SGCZ: variants seen among roughly 807,000 people sequenced by gnomAD.
SGCZ encodes sarcoglycan zeta.
In SGCZ, 40 loss-of-function variants were observed where a neutral mutation model predicts 41.3. That is an observed-to-expected ratio of 0.97 (90% CI 0.75 to 1.26). The LOEUF (loss-of-function observed/expected upper bound fraction) is 1.26. Among genes scored for constraint, SGCZ ranks in the 50% most tolerant of loss-of-function variants. The pLI is 0.00. For synonymous variants in SGCZ, 206 were observed against 137.5 expected (o/e 1.50, Z -3.49); for missense variants, 552 against 369.8 (o/e 1.49, Z -4.04).
chr8:14,491,717 G>C (rs1400251153), intron 2 of SGCZ, among the ~76,000 whole-genome samples: 3 of 152,126 alleles, frequency 2.0e-5, no homozygotes, highest in Non-Finnish European at 4.4e-5. Flanking sequence ...TTGTTACACT[G>C]TCCAGTAACT....
At chr8:14,909,067 G>T (rs1331222383) in intron 1 of SGCZ, among the ~76,000 whole-genome samples, 1 of 152,094 alleles carries the variant, frequency 6.6e-6, no homozygotes. Context: ...TTAAGCAGAG[G>T]TTTGCAAATC....
chr8:14,329,878 C>G (rs1240313919), intron 2 of SGCZ, among the ~76,000 whole-genome samples: 1 of 151,782 alleles, frequency 6.6e-6, no homozygotes, highest in Non-Finnish European at 1.5e-5. Context: ...CATCATCACT[C>G]AACTTATACT....
At chr8:14,986,370 A>T (rs890039027) in intron 1 of SGCZ, among the ~76,000 whole-genome samples, 8 of 152,012 alleles carry the variant, frequency 5.3e-5, no homozygotes, top group African/African-American at 1.9e-4. Context: ...ATCTCTAAAA[A>T]CCCAGCTTTT....
chr8:15,145,895 C>T (rs1232330655), intron 1 of SGCZ, among the ~76,000 whole-genome samples: 1 of 152,034 alleles, frequency 6.6e-6, no homozygotes, highest in Non-Finnish European at 1.5e-5. Flanking sequence ...CTCTGCCTCC[C>T]TAGAACTTGA....
At chr8:15,200,148 A>G (rs1311085924) in intron 1 of SGCZ, among the ~76,000 whole-genome samples, 1 of 152,250 alleles carries the variant, frequency 6.6e-6, no homozygotes, top group African/African-American at 2.4e-5. Flanking sequence ...GTATGTGTTC[A>G]GCGAGTTTCC....
chr8:14,372,605 G>A (rs1284797470), intron 2 of SGCZ, among the ~76,000 whole-genome samples: 1 of 152,118 alleles, frequency 6.6e-6, no homozygotes, highest in African/African-American at 2.4e-5. Context: ...AGATTTGTAG[G>A]AGCAGCCTCA....
chr8:14,215,718 C>T (rs1288690917), intron 4 of SGCZ, among the ~76,000 whole-genome samples: 1 of 151,992 alleles, frequency 6.6e-6, no homozygotes, highest in African/African-American at 2.4e-5. Context: ...AGTGTATGCT[C>T]ACAAATTTGT....
intron 5 of SGCZ, among the ~76,000 whole-genome samples, chr8:14,149,830 C>T (rs545528291): frequency 2.6e-5 from 4 of 152,118 alleles, no homozygotes; most frequent in Non-Finnish European, 5.9e-5. Context: ...AAAACAGACA[C>T]ATAGACAAAT....
chr8:14,428,832 T>A (rs1052099132), intron 2 of SGCZ, among the ~76,000 whole-genome samples: 2 of 152,214 alleles, frequency 1.3e-5, no homozygotes, highest in African/African-American at 4.8e-5. Flanking sequence ...CATGTAGATA[T>A]AAGTTCACAT....
chr8:15,052,294 C>A (rs1164696154), intron 1 of SGCZ, among the ~76,000 whole-genome samples: 1 of 152,136 alleles, frequency 6.6e-6, no homozygotes, highest in Non-Finnish European at 1.5e-5. Context: ...TCCAAGTACA[C>A]ATTCAGCTTT....
chr8:15,216,144 T>G (rs987558260), intron 1 of SGCZ, among the ~76,000 whole-genome samples: 8 of 152,098 alleles, frequency 5.3e-5, no homozygotes, highest in African/African-American at 1.9e-4. Context: ...TCTCTGGGGA[T>G]ATGGTTGAAA....
At chr8:15,146,585 T>G (rs531494257) in intron 1 of SGCZ, among the ~76,000 whole-genome samples, 71 of 152,340 alleles carry the variant, frequency 4.7e-4, no homozygotes, top group African/African-American at 1.5e-3. Context: ...AGTAGTGTAT[T>G]CTGTTTGTAG....
chr8:15,201,316 C>G (rs1194136829), intron 1 of SGCZ, among the ~76,000 whole-genome samples: 1 of 152,152 alleles, frequency 6.6e-6, no homozygotes, highest in African/African-American at 2.4e-5. Flanking sequence ...CGTGCCAGGC[C>G]TAGATCCATT....
intron 1 of SGCZ, among the ~76,000 whole-genome samples, chr8:14,937,745 AATAC>A (rs1800130832): frequency 6.6e-6 from 1 of 152,068 alleles, no homozygotes; most frequent in Non-Finnish European, 1.5e-5. Context: ...TTTTTTGTCA[AATAC>A]ATATTTTTTT....
intron 1 of SGCZ, among the ~76,000 whole-genome samples, chr8:14,953,712 G>A (rs576874613): frequency 1.3e-5 from 2 of 151,970 alleles, no homozygotes; most frequent in African/African-American, 4.8e-5. Context: ...TGCAAAAACG[G>A]GAAAATAATG....
At chr8:15,172,508 G>A (rs558798906) in intron 1 of SGCZ, among the ~76,000 whole-genome samples, 2 of 152,206 alleles carry the variant, frequency 1.3e-5, no homozygotes, top group South Asian at 2.1e-4. Flanking sequence ...GAGAGTAGGA[G>A]TCAGGAAACT....
chr8:14,177,849 G>C (rs1165337146), intron 4 of SGCZ, among the ~76,000 whole-genome samples: 3 of 151,388 alleles, frequency 2.0e-5, no homozygotes, highest in Non-Finnish European at 4.4e-5. Context: ...TATCTGCTTT[G>C]AATCTGCTGT....
At chr8:14,632,387 T>C (rs528346796) in intron 1 of SGCZ, among the ~76,000 whole-genome samples, 2 of 152,066 alleles carry the variant, frequency 1.3e-5, no homozygotes, top group African/African-American at 4.8e-5. Flanking sequence ...AATCAGAAAA[T>C]GTATAGAGAG....
chr8:15,175,008 A>C (rs1799954869), intron 1 of SGCZ, among the ~76,000 whole-genome samples: 2 of 152,068 alleles, frequency 1.3e-5, no homozygotes, highest in Non-Finnish European at 2.9e-5. Flanking sequence ...GTGGGGCTTA[A>C]AACCTAGATG....
Sources: gnomAD v4.1 joint callset for allele counts (sites outside exome capture counted in the v4.1 genomes callset) on GRCh38, gnomAD v4.1.1 for gene constraint, MANE v1.5 for transcripts, NCBI Gene and HGNC (gene_info 2026-07-23, HGNC 2026-07-21) for gene names.